The following GNG7 variants were observed in gnomAD, a reference collection of about 807,000 sequenced individuals.
The protein encoded by GNG7 is guanine nucleotide-binding protein G(I)/G(S)/G(O) subunit gamma-7.
In GNG7, 1 loss-of-function variant was observed where a neutral mutation model predicts 4.0. The ratio of observed to expected loss-of-function variants is 0.25; its 90% CI spans 0.09 to 1.18. The LOEUF is 1.18. GNG7 is among the 50% of genes most tolerant of loss of function. The probability of loss-of-function intolerance (pLI) is 0.50; values close to 1 mark genes in which losing one functional copy is unlikely to be tolerated. For missense variants in GNG7, 86 were observed against 91.9 expected, an observed-to-expected ratio of 0.94 and a Z score of 0.26; for synonymous variants, 34 against 36.9, an observed-to-expected ratio of 0.92 and a Z score of 0.29.
rs1021826597 is a variant in GNG7 at position 2,633,472 on chromosome 19, C to T, written c.-78+12752G>A. ...GTTCAAGCGGTTGCTTAGCAACAGG[C>T]GCGCGCGCGCGCGCGCACACACACA... On this transcript the variant is annotated intron_variant, in intron 2 of 4. Transcript: ENST00000382159. This position sits in a 1 kb window ranked among gnomAD's most constrained non-coding sequence, Gnocchi z 5.9. Among the ~76,000 whole-genome samples the T allele has an allele frequency of 5.1e-5, 5 of 98,240 alleles. No individual in the cohort carries two copies. The highest frequency in any genetic ancestry group is 9.0e-5 in the Admixed American group (1 of 11,072). The allele number at this position is 98,240 out of a possible 152,430, so 64.4% of individuals were successfully genotyped here. A position where few individuals can be genotyped will look rare whatever the true frequency, so the allele number is the denominator to read the frequency against.
chr19:2,634,597 A>G lies in GNG7; in HGVS notation c.-78+11627T>C, dbSNP rs1982257915. Among the ~76,000 whole-genome samples the G allele has an allele frequency of 6.6e-6, 1 of 151,718 alleles. No homozygotes were observed. Among genetic ancestry groups the G allele is most frequent in the Non-Finnish European group, 1.5e-5 (1 of 67,870 alleles). On this transcript the variant is annotated intron_variant, in intron 2 of 4. Transcript: ENST00000382159. The surrounding 1 kb of genome is among the most constrained non-coding windows in gnomAD (Gnocchi z 5.3). ...CCCCGTAATTACTTGCGGGCTGCAC[A>G]CACGTTTTCTCTCGGGGAGGGTGGT...
At position 2,614,000 on chromosome 19, in the gene GNG7, C is replaced by T. The variant is rs149085944; in HGVS notation, c.-78+32224G>A. On this transcript the variant is annotated intron_variant, in intron 2 of 4. Transcript: ENST00000382159. ...CACGGCCACAGCGACATCTAAAGGC[C>T]GGCAAGTGCAATGCAGAATCCACCC... Among the ~76,000 whole-genome samples, 547 of 152,314 alleles carry T rather than the reference C, an allele frequency of 3.6e-3. 5 individuals carry two copies. The highest frequency in any genetic ancestry group is 0.013 in the African/African-American group (523 of 41,566).
At chr19:2,696,389 AGAAAG>A (rs1156773725) in intron 1 of GNG7, among the ~76,000 whole-genome samples, 5 of 151,960 alleles carry the variant, frequency 3.3e-5, no homozygotes, top group Admixed American at 2.6e-4. Flanking sequence ...AAGGGAAGAA[AGAAAG>A]GAAAGACGAA....
At chr19:2,647,304 C>T (rs1260602660) in intron 1 of GNG7, among the ~76,000 whole-genome samples, 1 of 152,172 alleles carries the variant, frequency 6.6e-6, no homozygotes, top group Non-Finnish European at 1.5e-5. Context: ...GTGCTTTGGG[C>T]TGTTGTCCCA....
chr19:2,568,763 C>T (rs1445814042), intron 2 of GNG7, among the ~76,000 whole-genome samples: 1 of 150,786 alleles, frequency 6.6e-6, no homozygotes, highest in Non-Finnish European at 1.5e-5. Context: ...CACACATACA[C>T]ATATACACAT....
intron 2 of GNG7, among the ~76,000 whole-genome samples, chr19:2,570,345 C>T (rs569785480): frequency 1.1e-3 from 173 of 152,254 alleles, no homozygotes; most frequent in African/African-American, 4.0e-3. Flanking sequence ...TTTATAAACC[C>T]CTCAGCCTCA....
At chr19:2,596,060 A>G (rs1180872605) in intron 2 of GNG7, among the ~76,000 whole-genome samples, 8 of 151,904 alleles carry the variant, frequency 5.3e-5, no homozygotes, top group African/African-American at 1.9e-4. Flanking sequence ...AAGAACTCAC[A>G]ATCAAAACTA....
At chr19:2,572,114 C>T (rs184853222) in intron 2 of GNG7, among the ~76,000 whole-genome samples, 4 of 152,048 alleles carry the variant, frequency 2.6e-5, no homozygotes, top group Admixed American at 2.0e-4. Context: ...CTCCACCTCC[C>T]GAGCTCAAGC....
intron 1 of GNG7, among the ~76,000 whole-genome samples, chr19:2,652,527 G>A (rs867326686): frequency 1.3e-5 from 2 of 152,288 alleles, no homozygotes; most frequent in South Asian, 4.1e-4. Context: ...GCTGAGGCAG[G>A]AGAATCGCTT....
At chr19:2,523,475 C>T (rs1433382729) in intron 3 of GNG7, among the ~76,000 whole-genome samples, 1 of 151,892 alleles carries the variant, frequency 6.6e-6, no homozygotes, top group Non-Finnish European at 1.5e-5. Flanking sequence ...ATCACTTGAG[C>T]CTGGGAGGTT....
chr19:2,627,294 G>A (rs1322096337), intron 2 of GNG7, among the ~76,000 whole-genome samples: 2 of 152,108 alleles, frequency 1.3e-5, no homozygotes, highest in African/African-American at 2.4e-5. Flanking sequence ...TCAGCACCCT[G>A]CAGTGCCCAG....
chr19:2,672,771 G>C (rs916044105), intron 1 of GNG7, among the ~76,000 whole-genome samples: 5 of 151,982 alleles, frequency 3.3e-5, no homozygotes, highest in African/African-American at 1.2e-4. Flanking sequence ...TTAAATGCTG[G>C]CAATAATTCA....
chr19:2,567,331 T>TTATGTGTGTGTGTGTGTGTGTGTG (rs1979950204), intron 2 of GNG7, among the ~76,000 whole-genome samples: 1 of 137,172 alleles, frequency 7.3e-6, no homozygotes, highest in South Asian at 2.3e-4. Flanking sequence ...TGTCGTCGAT[T>TTATGTGTGTGTGTGTGTGTGTGTG]TGTGTGTGTG....
chr19:2,637,590 G>C (rs948803064), intron 2 of GNG7, among the ~76,000 whole-genome samples: 5 of 152,156 alleles, frequency 3.3e-5, no homozygotes, highest in Admixed American at 1.3e-4. Flanking sequence ...CGCATCCCAC[G>C]CCACCCTTTG....
At chr19:2,567,944 A>T (rs1384586842) in intron 2 of GNG7, among the ~76,000 whole-genome samples, 1 of 152,150 alleles carries the variant, frequency 6.6e-6, no homozygotes, top group Admixed American at 6.5e-5. Context: ...GAACTCAGGA[A>T]GTAGGGCGTT....
chr19:2,511,657 T>C lies in GNG7; in HGVS notation c.*3365A>G. The C allele has an allele frequency of 3.0e-6, 1 of 331,384 alleles. No individual in the cohort carries two copies. Among genetic ancestry groups the C allele is most frequent in the Non-Finnish European group, 4.3e-6 (1 of 231,918 alleles). 20.5% of individuals were successfully genotyped at this position (331,384 alleles called of 1,614,324 possible). A position where few individuals can be genotyped will look rare whatever the true frequency, so the allele number is the denominator to read the frequency against. ...CCCAGAACTTGGGCAGGACGGGCTGTTAACTTGGAGATGGATGCGTGGCCT... is the reference window on the plus strand; with the variant it reads ...CCCAGAACTTGGGCAGGACGGGCTGCTAACTTGGAGATGGATGCGTGGCCT... On this transcript the variant is annotated 3_prime_UTR_variant, in exon 5 of 5. Transcript: ENST00000382159. This position sits in a 1 kb window ranked among gnomAD's most constrained non-coding sequence, Gnocchi z 6.3.
intron 2 of GNG7, among the ~76,000 whole-genome samples, chr19:2,587,358 C>T (rs937412257): frequency 4.6e-5 from 7 of 152,152 alleles, no homozygotes; most frequent in African/African-American, 1.7e-4. Context: ...GGAAGCTCAC[C>T]CACGTTCTCA....
intron 1 of GNG7, among the ~76,000 whole-genome samples, chr19:2,666,137 G>A (rs924921142): frequency 1.3e-5 from 2 of 150,854 alleles, no homozygotes; most frequent in Admixed American, 6.6e-5. Flanking sequence ...AAGTGCCACC[G>A]TGCCCGGCTT....
At chr19:2,640,636 C>A (rs781536665) in intron 2 of GNG7, among the ~76,000 whole-genome samples, 14 of 152,084 alleles carry the variant, frequency 9.2e-5, no homozygotes, top group Non-Finnish European at 1.9e-4. Flanking sequence ...TTAGCTGTTG[C>A]TTTTTTTGGA....
Sources: gnomAD v4.1 joint callset for allele counts (sites outside exome capture counted in the v4.1 genomes callset) on GRCh38, gnomAD v4.1.1 for gene constraint, Gnocchi (gnomAD v3.1) non-coding constraint, MANE v1.5 for transcripts, NCBI Gene and HGNC (gene_info 2026-07-23, HGNC 2026-07-21) for gene names.